Variants in ADGRL2 observed in about 807,000 individuals in gnomAD.
ADGRL2 encodes the protein calcium-independent alpha-latrotoxin receptor 2.
In ADGRL2, 44 loss-of-function variants were observed where a neutral mutation model predicts 157.4. The ratio of observed to expected loss-of-function variants is 0.28; its 90% confidence interval spans 0.22 to 0.36. The LOEUF (loss-of-function observed/expected upper bound fraction) is 0.36, where lower values mean the gene tolerates loss of function less well. Ranked by LOEUF, ADGRL2 falls within the 10% of genes least tolerant of loss-of-function variation. The pLI is 1.00. For synonymous variants in ADGRL2, 585 were observed against 624.7 expected (o/e 0.94, Z 0.95); for missense variants, 1,510 against 1,768.9 (o/e 0.85, Z 2.63).
intron 11 of ADGRL2, among the ~76,000 whole-genome samples, chr1:81,956,936 C>T (rs939603371): frequency 2.0e-5 from 3 of 151,828 alleles, no homozygotes; most frequent in African/African-American, 7.3e-5. Flanking sequence ...CTGCGTAAGT[C>T]ATGAGACTTT....
At chr1:81,390,162 T>C (rs2076508687) in intron 1 of ADGRL2, among the ~76,000 whole-genome samples, 1 of 152,282 alleles carries the variant, frequency 6.6e-6, no homozygotes, top group Non-Finnish European at 1.5e-5. Flanking sequence ...ACCAGAAGAG[T>C]CCTGCTTTTA....
intron 2 of ADGRL2, among the ~76,000 whole-genome samples, chr1:81,517,513 G>A (rs2079208507): frequency 1.4e-5 from 2 of 148,040 alleles, no homozygotes; most frequent in Non-Finnish European, 3.0e-5. Flanking sequence ...ACGATCCTTC[G>A]GATTAATGTA....
chr1:81,633,998 A>C (rs939444585), intron 3 of ADGRL2, among the ~76,000 whole-genome samples: 2 of 152,184 alleles, frequency 1.3e-5, no homozygotes, highest in African/African-American at 4.8e-5. Flanking sequence ...AGACTGTATG[A>C]GATAACCTAG....
intron 2 of ADGRL2, among the ~76,000 whole-genome samples, chr1:81,775,216 T>G (rs746142580): frequency 6.6e-6 from 1 of 151,834 alleles, no homozygotes; most frequent in African/African-American, 2.4e-5. Context: ...AACTTAATAC[T>G]CTGAAAAAAA....
At chr1:81,508,334 A>G (rs1485027038) in intron 2 of ADGRL2, among the ~76,000 whole-genome samples, 1 of 152,192 alleles carries the variant, frequency 6.6e-6, no homozygotes, top group Non-Finnish European at 1.5e-5. Context: ...GTGTTGCCTT[A>G]TATTTTAGTT....
chr1:81,785,688 A>G (rs1465781655), intron 2 of ADGRL2, among the ~76,000 whole-genome samples: 1 of 151,986 alleles, frequency 6.6e-6, no homozygotes, highest in African/African-American at 2.4e-5. Context: ...TGATCATGCT[A>G]CTGTATTCTA....
rs1024160385 is a variant in ADGRL2 at position 81,801,013 on chromosome 1, C to G, written c.-156C>G. On this transcript the variant is annotated 5_prime_UTR_variant, in exon 1 of 24. Coordinates refer to ENST00000686636, the MANE Select transcript of ADGRL2 (RefSeq NM_001366006.2). ...CCCCGCCGGCGGAGCCGGGGCCGGC[C>G]TGGTCCTCGGGCGGCTGCTTGGCCA... Among the ~76,000 whole-genome samples, 7 of 150,872 alleles carry G rather than the reference C, an allele frequency of 4.6e-5. No individual in the cohort carries two copies. The highest frequency in any genetic ancestry group is 1.3e-4 in the Admixed American group (2 of 15,162).
intron 3 of ADGRL2, among the ~76,000 whole-genome samples, chr1:81,653,923 CTTCT>C (rs541116136): frequency 3.3e-5 from 5 of 151,982 alleles, no homozygotes; most frequent in African/African-American, 7.2e-5. Context: ...CAGAGTTCAG[CTTCT>C]TTCTTTCTTT....
At chr1:81,546,359 T>A (rs1206636830) in intron 2 of ADGRL2, among the ~76,000 whole-genome samples, 1 of 152,224 alleles carries the variant, frequency 6.6e-6, no homozygotes, top group African/African-American at 2.4e-5. Flanking sequence ...ATTGGCTCAA[T>A]ACTTGAGGTT....
chr1:81,527,911 C>T (rs1354698082), intron 2 of ADGRL2, among the ~76,000 whole-genome samples: 1 of 150,978 alleles, frequency 6.6e-6, no homozygotes, highest in Admixed American at 6.6e-5. Flanking sequence ...ACTAAAAATA[C>T]CAACAATTAG....
intron 1 of ADGRL2, among the ~76,000 whole-genome samples, chr1:81,355,338 G>A (rs1663204092): frequency 1.3e-5 from 2 of 152,142 alleles, no homozygotes; most frequent in African/African-American, 4.8e-5. Context: ...CAGCCTGGGT[G>A]ACAGAGTGAG....
intron 2 of ADGRL2, among the ~76,000 whole-genome samples, chr1:81,763,739 G>T (rs2085989895): frequency 2.6e-5 from 4 of 152,016 alleles, no homozygotes; most frequent in Admixed American, 2.6e-4. Flanking sequence ...AAAAAATAGG[G>T]GCTAGGCGCA....
chr1:81,565,872 T>C (rs2080548585), intron 2 of ADGRL2, among the ~76,000 whole-genome samples: 4 of 152,112 alleles, frequency 2.6e-5, no homozygotes, highest in Admixed American at 1.3e-4. Flanking sequence ...TAAGGATCTA[T>C]TGATTAGAAG....
chr1:81,367,977 A>G (rs764672329), intron 1 of ADGRL2, among the ~76,000 whole-genome samples: 6 of 152,200 alleles, frequency 3.9e-5, no homozygotes, highest in Non-Finnish European at 8.8e-5. Flanking sequence ...GAATGGTGCT[A>G]TAGTGAACAT....
rs561070885 is a variant in ADGRL2, at chr1:81,677,514, A to C, written c.-142-84297A>C. Among the ~76,000 whole-genome samples the C allele has an allele frequency of 7.9e-5, 12 of 152,308 alleles. No homozygotes were observed. In the South Asian group the frequency reaches 2.5e-3, roughly 32 times the overall value. ...GATGGGGTGCAACAAAATGATAGTA[A>C]TATTTTCCCTTAGAAGCATCACCAT... On this transcript the variant is annotated intron_variant, in intron 3 of 24. Coordinates refer to the ADGRL2 transcript ENST00000370721.
At position 81,836,824 on chromosome 1, in the gene ADGRL2, G is replaced by C. The variant is rs967844770; in HGVS notation, c.-100-61G>C. 6.1e-6 allele frequency: 3 copies of C among 493,000 alleles called. No individual in the cohort carries two copies. The African/African-American group carries it at 6.1e-5, about 10-fold the overall frequency. 30.5% of individuals were successfully genotyped at this position (493,000 alleles called of 1,614,324 possible). On this transcript the variant is annotated intron_variant, in intron 1 of 23. Transcript: ENST00000686636. ...GGAGAGAGAGAGAGGAACGGAGAGA[G>C]AGAATTGTTTTGTTATGTAGAAAGA...
chr1:81,446,369 G>A (rs1299600879), intron 2 of ADGRL2, among the ~76,000 whole-genome samples: 1 of 152,114 alleles, frequency 6.6e-6, no homozygotes, highest in Non-Finnish European at 1.5e-5. Context: ...GGGGAATGGA[G>A]GCACAGTTCT....
At chr1:81,359,802 AG>A (rs2075945126) in intron 1 of ADGRL2, among the ~76,000 whole-genome samples, 1 of 151,966 alleles carries the variant, frequency 6.6e-6, no homozygotes, top group African/African-American at 2.4e-5. Context: ...ATTCAGTGAA[AG>A]AAACCACCAT....
intron 3 of ADGRL2, among the ~76,000 whole-genome samples, chr1:81,689,049 A>G (rs901111170): frequency 1.3e-5 from 2 of 152,198 alleles, no homozygotes; most frequent in Non-Finnish European, 2.9e-5. Context: ...GCTGTGGAGA[A>G]CAGGTGTCCA....
Sources: gnomAD v4.1 joint callset for allele counts (sites outside exome capture counted in the v4.1 genomes callset) on GRCh38, gnomAD v4.1.1 for gene constraint, MANE v1.5 for transcripts, NCBI Gene and HGNC (gene_info 2026-07-23, HGNC 2026-07-21) for gene names.